Variants in TMEM135 observed in about 807,000 individuals in gnomAD.
TMEM135 encodes transmembrane protein 135, also known as peroxisomal membrane protein 52.
A neutral mutation model predicts 60.3 loss-of-function variants in TMEM135; 30 were observed. The observed-to-expected ratio is 0.50, with a 90% confidence interval of 0.37 to 0.68. TMEM135 has a LOEUF of 0.68. TMEM135 is among the 30% of genes least tolerant of loss of function. The probability of loss-of-function intolerance (pLI) is 0.00; values close to 1 mark genes in which losing one functional copy is unlikely to be tolerated. For synonymous variants in TMEM135, 190 were observed against 186.7 expected (o/e 1.02, Z -0.14); for missense variants, 468 against 548.8 (o/e 0.85, Z 1.47).
chr11:87,213,823 G>A (rs1167826594), intron 5 of TMEM135, among the ~76,000 whole-genome samples: 3 of 152,194 alleles, frequency 2.0e-5, no homozygotes, highest in Non-Finnish European at 4.4e-5. Context: ...TTAGAACCTA[G>A]AACATACCTC....
chr11:87,223,309 C>T (rs947895354), intron 5 of TMEM135, among the ~76,000 whole-genome samples: 1 of 151,722 alleles, frequency 6.6e-6, no homozygotes, highest in Non-Finnish European at 1.5e-5. Context: ...TGACTACAGG[C>T]GCCAGCCACC....
intron 4 of TMEM135, among the ~76,000 whole-genome samples, chr11:87,134,677 G>T (rs1257840968): frequency 6.6e-6 from 1 of 152,118 alleles, no homozygotes. Flanking sequence ...TAGAGGTGGG[G>T]TTCTCACTAT....
chr11:87,166,231 G>C (rs552974029), intron 5 of TMEM135, among the ~76,000 whole-genome samples: 19 of 151,604 alleles, frequency 1.3e-4, no homozygotes, highest in African/African-American at 4.1e-4. Context: ...ATAGATTGTA[G>C]AAATTTTCTC....
intron 1 of TMEM135, 119 bp from the exon 2 acceptor site, chr11:87,067,575 A>G: frequency 7.5e-7 from 1 of 1,341,950 alleles, no homozygotes; most frequent in Non-Finnish European, 1.0e-6. Context: ...ATCCAGTGAA[A>G]TGCCAGCATT....
At position 87,172,742 on chromosome 11, in the gene TMEM135, A is replaced by G. The variant is rs192758155; in HGVS notation, c.462+15336A>G. ...ATCAGCTTTCATTTAAGATAAGTAT[A>G]TCTTTATGGATTTGTATGGATAATT... On this transcript the variant is annotated intron_variant, in intron 5 of 14. Transcript: ENST00000305494. Among the ~76,000 whole-genome samples the G allele has an allele frequency of 6.0e-3, 917 of 152,146 alleles. 4 individuals are homozygous for G. The highest frequency in any genetic ancestry group is 9.0e-3 in the Non-Finnish European group (610 of 67,944).
At chr11:87,292,984 G>A (rs977642950) in intron 6 of TMEM135, among the ~76,000 whole-genome samples, 1 of 152,154 alleles carries the variant, frequency 6.6e-6, no homozygotes, top group African/African-American at 2.4e-5. Context: ...ATTCAGCATA[G>A]CACAAAGATA....
Position 87,038,012 on chromosome 11 carries a change from TC to T in TMEM135, c.-29del. On this transcript the variant is annotated 5_prime_UTR_variant, in exon 1 of 15. Coordinates refer to ENST00000305494, the MANE Select transcript of TMEM135 (RefSeq NM_022918.4). ...GCCCCTCCCTGCAGGGCTCAGGCTC[TC>T]CCCCTCCTGTCTTCTCCGCGCTGTT... 6.2e-7 allele frequency: 1 copy of T among 1,612,510 alleles called. No homozygotes were observed.
At chr11:87,125,551 T>G (rs969686308) in intron 4 of TMEM135, among the ~76,000 whole-genome samples, 1 of 152,224 alleles carries the variant, frequency 6.6e-6, no homozygotes, top group Non-Finnish European at 1.5e-5. Context: ...AGGAGTCTGT[T>G]ATGTCTGGAC....
intron 6 of TMEM135, among the ~76,000 whole-genome samples, chr11:87,257,931 C>A (rs1375293701): frequency 2.6e-5 from 4 of 152,046 alleles, no homozygotes; most frequent in Admixed American, 2.6e-4. Flanking sequence ...CATTCTTGAT[C>A]AAAATTAAGT....
intron 4 of TMEM135, among the ~76,000 whole-genome samples, chr11:87,141,407 CA>C (rs1938258517): frequency 6.6e-6 from 1 of 152,056 alleles, no homozygotes; most frequent in Non-Finnish European, 1.5e-5. Flanking sequence ...ATACAGAAAA[CA>C]ATTGTGTATT....
At chr11:87,203,253 T>C (rs1940160821) in intron 5 of TMEM135, among the ~76,000 whole-genome samples, 1 of 152,094 alleles carries the variant, frequency 6.6e-6, no homozygotes, top group South Asian at 2.1e-4. Context: ...ACTCTTAATG[T>C]TGTACATTCT....
intron 5 of TMEM135, among the ~76,000 whole-genome samples, chr11:87,188,466 C>T (rs1054522190): frequency 3.3e-5 from 5 of 152,012 alleles, no homozygotes; most frequent in Non-Finnish European, 7.4e-5. Flanking sequence ...CTTTGGGAGA[C>T]TGAGGTGGGT....
chr11:87,095,553 G>T (rs1857305055), intron 4 of TMEM135: 1 of 200,926 alleles, frequency 5.0e-6, no homozygotes, highest in African/African-American at 2.3e-5. Flanking sequence ...AGCCTGTCCG[G>T]TTATCAAAAG....
At chr11:87,296,339 T>G (rs553414341) in intron 7 of TMEM135, among the ~76,000 whole-genome samples, 1 of 152,326 alleles carries the variant, frequency 6.6e-6, no homozygotes, top group South Asian at 2.1e-4. Context: ...TCACCAAGAA[T>G]TTTCTCATAG....
chr11:87,165,978 T>C (rs1939030846), intron 5 of TMEM135, among the ~76,000 whole-genome samples: 1 of 150,232 alleles, frequency 6.7e-6, no homozygotes, highest in Non-Finnish European at 1.5e-5. Flanking sequence ...GCGAATGAAC[T>C]AGAAAATCTA....
intron 1 of TMEM135, among the ~76,000 whole-genome samples, chr11:87,046,064 G>C (rs903310587): frequency 6.6e-6 from 1 of 152,124 alleles, no homozygotes. Context: ...ATGCCATAAG[G>C]TACAGATAAA....
chr11:87,265,748 G>A lies in TMEM135; in HGVS notation c.509+29064G>A, dbSNP rs572953676. ...AATTATCTCTGAGATAAAAACAGGAGCACATGGTATTTTGTATTTCATTTC... is the reference window on the plus strand; with the variant it reads ...AATTATCTCTGAGATAAAAACAGGAACACATGGTATTTTGTATTTCATTTC... On this transcript the variant is annotated intron_variant, in intron 6 of 14. Coordinates refer to ENST00000305494, the MANE Select transcript of TMEM135 (RefSeq NM_022918.4). Among the ~76,000 whole-genome samples, 16 of 152,124 alleles carry A rather than the reference G, an allele frequency of 1.1e-4. 1 individual carries two copies. The highest frequency in any genetic ancestry group is 6.5e-4 in the Admixed American group (10 of 15,274).
At chr11:87,304,734 T>C (rs1565164681) in intron 8 of TMEM135, among the ~76,000 whole-genome samples, 1 of 152,204 alleles carries the variant, frequency 6.6e-6, no homozygotes, top group Non-Finnish European at 1.5e-5. Context: ...AGCCAGAACA[T>C]TGCTCTGCAA....
chr11:87,065,761 T>C (rs1371865977), intron 1 of TMEM135, among the ~76,000 whole-genome samples: 1 of 152,242 alleles, frequency 6.6e-6, no homozygotes, highest in Admixed American at 6.5e-5. Flanking sequence ...CCATAAGATT[T>C]GCTCCATTTT....
Sources: allele counts gnomAD v4.1 joint callset (sites outside exome capture counted in the v4.1 genomes callset), GRCh38; gene constraint gnomAD v4.1.1; transcripts MANE v1.5; gene names NCBI Gene and HGNC (gene_info 2026-07-23, HGNC 2026-07-21).